IL12RB1: variants seen among roughly 807,000 people sequenced by gnomAD.
The protein encoded by IL12RB1 is interleukin 12 receptor subunit beta 1.
A neutral mutation model predicts 94.4 loss-of-function variants in IL12RB1; 64 were observed. The ratio of observed to expected loss-of-function variants is 0.68; its 90% CI spans 0.55 to 0.83. The LOEUF is 0.83. Ranked by LOEUF, IL12RB1 falls within the 40% of genes least tolerant of loss-of-function variation. The pLI is 0.00. For synonymous variants in IL12RB1, 362 were observed against 355.5 expected (o/e 1.02, Z -0.21); for missense variants, 814 against 855.6 (o/e 0.95, Z 0.61).
chr19:18,072,076 G>T, intron 9 of IL12RB1, 36 bp downstream of exon 9: 1 of 1,379,350 alleles, frequency 7.2e-7, no homozygotes. Flanking sequence ...AGCTCTGAGG[G>T]GCCCTCATAC....
chr19:18,061,347 C>T lies in IL12RB1; in HGVS notation c.1716-150G>A, dbSNP rs140103703. 3.1e-3 allele frequency: 1,759 copies of T among 567,268 alleles called. 19 individuals are homozygous for T. The highest frequency in any genetic ancestry group is 0.029 in the African/African-American group (1,517 of 52,562). The allele number at this position is 567,268 out of a possible 1,614,324, so 35.1% of individuals were successfully genotyped here. A position where few individuals can be genotyped will look rare whatever the true frequency, so the allele number is the denominator to read the frequency against. On this transcript the variant is annotated intron_variant, in intron 14 of 16. Transcript: ENST00000593993. ...CTGGGTTCAATCGATTCTCCTGACT[C>T]AGCCTCCTGAGTAGCTGAGATTACA... is the stretch of plus-strand genomic sequence containing the variant.
intron 7 of IL12RB1, among the ~76,000 whole-genome samples, chr19:18,075,289 C>T (rs1435706186): frequency 1.4e-5 from 2 of 141,118 alleles, no homozygotes; most frequent in Admixed American, 7.3e-5. Context: ...GAGACAGAGT[C>T]TGGCCCTGTC....
At chr19:18,065,484 G>C (rs1199384119) in intron 12 of IL12RB1, among the ~76,000 whole-genome samples, 4 of 152,136 alleles carry the variant, frequency 2.6e-5, no homozygotes, top group African/African-American at 9.7e-5. Context: ...CACTTTGGGA[G>C]GCCAAGGTGG....
chr19:18,059,952 G>T lies in IL12RB1; in HGVS notation c.1925C>A (p.Pro642His). 1 of 1,596,856 alleles carries T rather than the reference G, an allele frequency of 6.3e-7. No individual in the cohort carries two copies. The highest frequency in any genetic ancestry group is 8.5e-7 in the Non-Finnish European group (1 of 1,171,478). The change falls in exon 16 of 17, where the codon CCT becomes CAT. Residue 642 changes from proline to histidine, a missense_variant. Pro to His is a moderately conservative substitution (Grantham distance 77, BLOSUM62 -2). Coordinates refer to ENST00000593993, the MANE Select transcript of IL12RB1 (RefSeq NM_005535.3). ...LEKTELPEGA[P>H]ELALDTELSL... ...CAACTCTGTATCCAGGGCCAGCTCAGGGGCACCCTCAGGTAGCTCTGTCTT... is the reference window on the plus strand; with the variant it reads ...CAACTCTGTATCCAGGGCCAGCTCATGGGCACCCTCAGGTAGCTCTGTCTT...
intron 8 of IL12RB1, 124 bp from the exon 9 acceptor site, chr19:18,072,473 A>G (rs1203993315): frequency 1.4e-6 from 1 of 715,794 alleles, no homozygotes; most frequent in African/African-American, 1.7e-5. Flanking sequence ...ACATGCATCA[A>G]AAATTAAAAG....
At chr19:18,084,403 A>AATCCATCC (rs373555713) in intron 1 of IL12RB1, among the ~76,000 whole-genome samples, 4 of 118,286 alleles carry the variant, frequency 3.4e-5, no homozygotes, top group Non-Finnish European at 7.3e-5. Flanking sequence ...TCCATGTATT[A>AATCCATCC]ATCCATCCAT....
chr19:18,060,920 A>C (rs928793658), intron 15 of IL12RB1, among the ~76,000 whole-genome samples: 6 of 152,146 alleles, frequency 3.9e-5, no homozygotes, highest in Non-Finnish European at 8.8e-5. Flanking sequence ...TTTCCTTTAT[A>C]ATAAAGCCAC....
chr19:18,096,551 G>A (rs986344521), intron 1 of IL12RB1, among the ~76,000 whole-genome samples: 1 of 151,980 alleles, frequency 6.6e-6, no homozygotes, highest in Non-Finnish European at 1.5e-5. Flanking sequence ...GTTTTGGCCA[G>A]GCAAAACACC....
chr19:18,079,805 G>A (rs2035756154), intron 4 of IL12RB1, among the ~76,000 whole-genome samples: 1 of 152,032 alleles, frequency 6.6e-6, no homozygotes, highest in African/African-American at 2.4e-5. Flanking sequence ...GCTGAGGCAG[G>A]AGAATGGTGT....
At chr19:18,090,251 G>C (rs986065402), upstream of IL12RB1, among the ~76,000 whole-genome samples, 1 of 151,342 alleles carries the variant, frequency 6.6e-6, no homozygotes, top group African/African-American at 2.4e-5. Context: ...AGCTACCTGG[G>C]AGGCTGAGGC....
At chr19:18,092,670 G>GAAAA (rs58773304) in intron 1 of IL12RB1, among the ~76,000 whole-genome samples, 1 of 132,224 alleles carries the variant, frequency 7.6e-6, no homozygotes, top group Non-Finnish European at 1.6e-5. Flanking sequence ...AACTCTGTCT[G>GAAAA]AAAAAAAAAA....
At chr19:18,069,367 T>A (rs2034836807) in intron 10 of IL12RB1, among the ~76,000 whole-genome samples, 179 bp downstream of exon 10, 1 of 152,166 alleles carries the variant, frequency 6.6e-6, no homozygotes, top group Non-Finnish European at 1.5e-5. Context: ...TCCAGACCCA[T>A]ATGGGTGAGA....
At chr19:18,084,005 A>T (rs2036121047) in intron 1 of IL12RB1, among the ~76,000 whole-genome samples, 2 of 146,532 alleles carry the variant, frequency 1.4e-5, no homozygotes, top group South Asian at 4.3e-4. Flanking sequence ...CCATGCACCC[A>T]TCTACCCATC....
chr19:18,088,059 C>T (rs1042734456), upstream of IL12RB1, among the ~76,000 whole-genome samples: 1 of 151,942 alleles, frequency 6.6e-6, no homozygotes, highest in Non-Finnish European at 1.5e-5. Context: ...TTTGGGTCTA[C>T]CTAAACAACA....
intron 3 of IL12RB1, among the ~76,000 whole-genome samples, chr19:18,081,790 A>G (rs1451674601): frequency 6.6e-6 from 1 of 152,120 alleles, no homozygotes; most frequent in Non-Finnish European, 1.5e-5. Flanking sequence ...ACTGCACTCC[A>G]GCCTGGGCAA....
chr19:18,086,264 A>ATAAATAAG (rs892071878), intron 1 of IL12RB1, among the ~76,000 whole-genome samples: 1 of 138,222 alleles, frequency 7.2e-6, no homozygotes, highest in African/African-American at 2.8e-5. Context: ...AAATAAATAA[A>ATAAATAAG]TAAATAAGTA....
In IL12RB1 at chr19:18,064,029, C is replaced by A. The variant is rs959907651; in HGVS notation, c.1484-19G>T. 5 of 1,604,150 alleles carry A rather than the reference C, an allele frequency of 3.1e-6. No individual in the cohort carries two copies. The Admixed American group carries it at 6.7e-5, about 21-fold the overall frequency. ...GGATGCTCTGCAGTGGGAGAGGCAA[C>A]CCTGAGTCCTGGGACCTCTTTACTC... On this transcript the variant is annotated intron_variant, in intron 12 of 16. Transcript: ENST00000593993.
chr19:18,092,637 C>G (rs906929968), intron 1 of IL12RB1, among the ~76,000 whole-genome samples: 1 of 150,372 alleles, frequency 6.7e-6, no homozygotes, highest in African/African-American at 2.5e-5. Context: ...GCCACTGCAC[C>G]CCAGCCTAGG....
At chr19:18,086,693 G>T in intron 1 of IL12RB1, 67 bp downstream of exon 1, 1 of 1,500,674 alleles carries the variant, frequency 6.7e-7, no homozygotes. Context: ...CAGGCCCACA[G>T]CTCTCCACAC....
Sources: gnomAD v4.1 joint callset for allele counts (sites outside exome capture counted in the v4.1 genomes callset) on GRCh38, gnomAD v4.1.1 for gene constraint, MANE v1.5 for transcripts, NCBI Gene and HGNC (gene_info 2026-07-23, HGNC 2026-07-21) for gene names.